Variants in PRDX6 observed in about 807,000 individuals in gnomAD.
PRDX6 encodes the protein peroxiredoxin-6.
A neutral mutation model predicts 20.0 loss-of-function variants in PRDX6; 13 were observed. The ratio of observed to expected loss-of-function variants is 0.65; its 90% CI spans 0.42 to 1.03. PRDX6 has a LOEUF of 1.03. PRDX6 is among the 50% of genes least tolerant of loss of function. The pLI is 0.00. For missense variants in PRDX6, 203 were observed against 276.9 expected (o/e 0.73, Z 1.89); for synonymous variants, 85 against 100.8 (o/e 0.84, Z 0.94).
intron 1 of PRDX6, among the ~76,000 whole-genome samples, chr1:173,477,812 A>T (rs929839255): frequency 3.9e-5 from 6 of 152,204 alleles, no homozygotes; most frequent in Admixed American, 3.3e-4. Context: ...CGGGTTCTGG[A>T]AACTCACCGC....
chr1:173,483,810 A>G (rs889932251), intron 2 of PRDX6, among the ~76,000 whole-genome samples: 1 of 152,064 alleles, frequency 6.6e-6, no homozygotes, highest in African/African-American at 2.4e-5. Context: ...TGTTTCATTA[A>G]TATCGTTCCT....
rs141501072 is a variant in PRDX6 at position 173,481,344 on chromosome 1, C to A, written c.114C>A (p.Ser38=). Residue 38 remains serine (S), a synonymous_variant, in exon 2 of 5, where the codon TCC becomes TCA. Transcript: ENST00000340385. ...CTTTCAGATGGGGCATTCTCTTCTC[C>A]CACCCTCGGGACTTTACCCCAGTGT... is the stretch of plus-strand genomic sequence containing the variant. ...FLGDSWGILF[S]HPRDFTPVCT... 1.5e-5 allele frequency: 24 copies of A among 1,613,390 alleles called. No individual in the cohort carries two copies. The African/African-American group carries it at 2.9e-4, about 20-fold the overall frequency.
chr1:173,477,639 A>C (rs1658722059), intron 1 of PRDX6, 147 bp downstream of exon 1: 1 of 680,112 alleles, frequency 1.5e-6, no homozygotes, highest in African/African-American at 1.9e-5. Context: ...GGCGCGCGCC[A>C]GGCCGTGTGG....
intron 2 of PRDX6, among the ~76,000 whole-genome samples, chr1:173,484,888 G>A (rs1333895653): frequency 1.4e-5 from 2 of 148,030 alleles, no homozygotes; most frequent in South Asian, 2.1e-4. Context: ...TTGTAACTTA[G>A]CATCTGAGTC....
chr1:173,487,414 G>C (rs1658919413), intron 4 of PRDX6, among the ~76,000 whole-genome samples: 1 of 152,156 alleles, frequency 6.6e-6, no homozygotes, highest in Non-Finnish European at 1.5e-5. Flanking sequence ...CAGAAGGTGG[G>C]GTGAGGGACA....
rs1658930333 is a variant in PRDX6 at position 173,488,039 on chromosome 1, T to A, written c.*176T>A. 1.5e-6 allele frequency: 1 copy of A among 669,692 alleles called. No individual in the cohort carries two copies. The highest frequency in any genetic ancestry group is 2.5e-6 in the Non-Finnish European group (1 of 407,542). 41.5% of individuals were successfully genotyped at this position (669,692 alleles called of 1,614,324 possible). The stretch of plus-strand genomic sequence containing the variant: ...AAGTTTCTTGAGATTCTTTATACTC[T>A]CTGCCTTCAGCAATCAATTCCATTC... On this transcript the variant is annotated 3_prime_UTR_variant, in exon 5 of 5. Transcript: ENST00000340385.
At position 173,487,720 on chromosome 1, in the gene PRDX6, A is replaced by G; in HGVS notation, c.547-15A>G. The G allele has an allele frequency of 6.2e-7, 1 of 1,613,504 alleles. No homozygotes were observed. The highest frequency in any genetic ancestry group is 8.5e-7 in the Non-Finnish European group (1 of 1,179,758). ...TATGAGATTGAATTTCACCATTCTCAATGTCTTTCAATAGGATGGGGATAG... is the reference window on the plus strand; with the variant it reads ...TATGAGATTGAATTTCACCATTCTCGATGTCTTTCAATAGGATGGGGATAG... On this transcript the variant is annotated splice_polypyrimidine_tract_variant and intron_variant, in intron 4 of 4. Transcript: ENST00000340385.
At chr1:173,481,612 C>T (rs565707829) in intron 2 of PRDX6, 130 bp downstream of exon 2, 1 of 962,286 alleles carries the variant, frequency 1.0e-6, no homozygotes, top group Non-Finnish European at 1.6e-6. Context: ...TTGAAAATTT[C>T]AGTTGAACCA....
intron 4 of PRDX6, 37 bp downstream of exon 4, chr1:173,486,438 C>G (rs1658899890): frequency 1.9e-6 from 3 of 1,581,744 alleles, no homozygotes. Flanking sequence ...CTCTACTTGC[C>G]TGAAGGGCCA....
At chr1:173,486,976 T>C (rs1039249750) in intron 4 of PRDX6, among the ~76,000 whole-genome samples, 4 of 152,218 alleles carry the variant, frequency 2.6e-5, no homozygotes, top group African/African-American at 9.6e-5. Flanking sequence ...GACAAATCAC[T>C]TAAATTCTGT....
rs1658711999 is a variant in PRDX6 at position 173,477,398 on chromosome 1, ATGCCCGGAGGTC to A, written c.5_16del (p.ProGlyGlyLeu2_?5). 13 of 1,603,350 alleles carry A rather than the reference ATGCCCGGAGGTC, an allele frequency of 8.1e-6. No individual in the cohort carries two copies. The highest frequency in any genetic ancestry group is 1.1e-5 in the Non-Finnish European group (13 of 1,175,282). Reference sequence around the variant, plus strand: ...GCGGCGCCCCCTCATCACCGTCGCCATGCCCGGAGGTCTGCTTCTCGGGGACGTGGCTCCCAA... The same window carrying A: ...GCGGCGCCCCCTCATCACCGTCGCCATGCTTCTCGGGGACGTGGCTCCCAA... On this transcript the variant is annotated start_lost and inframe_deletion, in exon 1 of 5. Transcript: ENST00000340385.
intron 3 of PRDX6, among the ~76,000 whole-genome samples, chr1:173,485,995 C>T (rs867139142): frequency 2.0e-5 from 3 of 152,262 alleles, no homozygotes; most frequent in Non-Finnish European, 4.4e-5. Flanking sequence ...GCCTTTCCCT[C>T]GATTAAATTT....
In PRDX6 at chr1:173,485,399, G is replaced by T. The variant is rs753677992; in HGVS notation, c.291G>T (p.Lys97Asn). ...ACAATTGTGAAGAGCCCACAGAAAA[G>T]TTACCTTTTCCCATCATCGATGATA... ...NAYNCEEPTE[K>N]LPFPIIDDRN... Residue 97 changes from lysine to asparagine, a missense_variant, in exon 3 of 5, where the codon AAG becomes AAT. Physicochemically the swap from Lys to Asn is moderately conservative, Grantham distance 94. Transcript: ENST00000340385. 1 of 1,607,830 alleles carries T rather than the reference G, an allele frequency of 6.2e-7. No individual in the cohort carries two copies. The highest frequency in any genetic ancestry group is 1.3e-5 in the African/African-American group (1 of 74,710).
chr1:173,482,361 C>G (rs969147249), intron 2 of PRDX6, among the ~76,000 whole-genome samples: 1 of 152,134 alleles, frequency 6.6e-6, no homozygotes, highest in African/African-American at 2.4e-5. Flanking sequence ...TGCATACTAC[C>G]TATTTAGTTT....
Position 173,486,234 on chromosome 1 carries a change from A to G in PRDX6, c.400-21A>G, listed in dbSNP as rs77079548. The G allele has an allele frequency of 5.1e-4, 801 of 1,565,450 alleles. 1 individual carries two copies. The highest frequency in any genetic ancestry group is 4.2e-3 in the African/African-American group (304 of 72,532). ...AACACTCAAAGAACTCTTCCTATTT[A>G]TGCCCCTCTGTGCTTTACAGGTGTT... On this transcript the variant is annotated intron_variant, in intron 3 of 4. Transcript: ENST00000340385.
At position 173,481,592 on chromosome 1, in the gene PRDX6, C is replaced by T. The variant is rs35672510; in HGVS notation, c.252+110C>T. The T allele has an allele frequency of 2.0e-3, 2,393 of 1,170,336 alleles. 7 individuals are homozygous for T. The highest frequency in any genetic ancestry group is 2.6e-3 in the Non-Finnish European group (2,126 of 817,114). 72.5% of individuals were successfully genotyped at this position (1,170,336 alleles called of 1,614,324 possible). On this transcript the variant is annotated intron_variant, in intron 2 of 4. Coordinates refer to ENST00000340385, the MANE Select transcript of PRDX6 (RefSeq NM_004905.3). ...ACAAGTAAGCCTTAGGTTCAAAGTT[C>T]ACTAATTATTTGAAAATTTCAGTTG... is the stretch of plus-strand genomic sequence containing the variant.
intron 3 of PRDX6, 22 bp from the exon 4 acceptor site, chr1:173,486,233 T>G (rs1298385990): frequency 1.6e-5 from 25 of 1,564,950 alleles, no homozygotes; most frequent in Non-Finnish European, 2.2e-5. Flanking sequence ...TCTTCCTATT[T>G]ATGCCCCTCT....
At position 173,488,043 on chromosome 1, in the gene PRDX6, C is replaced by G; in HGVS notation, c.*180C>G. 1.5e-6 allele frequency: 1 copy of G among 653,888 alleles called. No individual in the cohort carries two copies. Among genetic ancestry groups the G allele is most frequent in the South Asian group, 2.1e-5 (1 of 47,334 alleles). 40.5% of individuals were successfully genotyped at this position (653,888 alleles called of 1,614,324 possible). A position where few individuals can be genotyped will look rare whatever the true frequency, so the allele number is the denominator to read the frequency against. ...TTCTTGAGATTCTTTATACTCTCTG[C>G]CTTCAGCAATCAATTCCATTCATAC... On this transcript the variant is annotated 3_prime_UTR_variant, in exon 5 of 5. Coordinates refer to ENST00000340385, the MANE Select transcript of PRDX6 (RefSeq NM_004905.3).
chr1:173,477,706 C>G (rs1348377557), intron 1 of PRDX6, among the ~76,000 whole-genome samples: 1 of 152,248 alleles, frequency 6.6e-6, no homozygotes, highest in Non-Finnish European at 1.5e-5. Context: ...GCCTGCCCTG[C>G]GCGGGCCACT....
Sources: gnomAD v4.1 joint callset for allele counts (sites outside exome capture counted in the v4.1 genomes callset) on GRCh38, gnomAD v4.1.1 for gene constraint, MANE v1.5 for transcripts, NCBI Gene and HGNC (gene_info 2026-07-23, HGNC 2026-07-21) for gene names.